ACTR3C: variants seen among roughly 807,000 people sequenced by gnomAD.
The protein encoded by ACTR3C is actin-related protein 3C.
ACTR3C carries 18 observed loss-of-function variants against 26.3 expected under a neutral mutation model. The ratio of observed to expected loss-of-function variants is 0.68; its 90% CI spans 0.47 to 1.01. ACTR3C has a LOEUF of 1.01. ACTR3C is among the 50% of genes least tolerant of loss of function. ACTR3C has a pLI of 0.00. For missense variants in ACTR3C, 184 were observed against 250.7 expected (o/e 0.73, Z 1.80); for synonymous variants, 55 against 94.5 (o/e 0.58, Z 2.42).
intron 1 of ACTR3C, among the ~76,000 whole-genome samples, chr7:150,316,483 A>ATTTTTT (rs35767189): frequency 3.7e-5 from 3 of 80,526 alleles, no homozygotes; most frequent in Non-Finnish European, 8.2e-5. Context: ...GAATCTGGTT[A>ATTTTTT]TTTTTTTTTT....
the ACTR3C span, among the ~76,000 whole-genome samples, chr7:149,989,370 C>T: frequency 6.6e-6 from 1 of 152,032 alleles, no homozygotes; most frequent in African/African-American, 2.4e-5. Context: ...ATATAGTCAC[C>T]ATGTTGTGCA....
the ACTR3C span, among the ~76,000 whole-genome samples, chr7:150,136,044 C>T: frequency 0.034 from 5,129 of 151,958 alleles, 286 homozygotes; most frequent in African/African-American, 0.12. Context: ...GTGGCCCAAG[C>T]AGCCTACTGT....
the ACTR3C span, among the ~76,000 whole-genome samples, chr7:150,077,449 G>C: frequency 6.6e-6 from 1 of 152,166 alleles, no homozygotes; most frequent in Non-Finnish European, 1.5e-5. Flanking sequence ...ACAAGGGTAA[G>C]TCTGCACCTT....
the ACTR3C span, among the ~76,000 whole-genome samples, chr7:150,135,535 T>C: frequency 8.5e-5 from 13 of 152,136 alleles, no homozygotes; most frequent in Non-Finnish European, 2.9e-5. Flanking sequence ...CATAATATTA[T>C]CTAGACTGCA....
the ACTR3C span, among the ~76,000 whole-genome samples, chr7:150,118,283 C>T: frequency 2.8e-4 from 42 of 151,972 alleles, no homozygotes; most frequent in Non-Finnish European, 1.0e-4. Context: ...TAACAAAATC[C>T]TCTGAGCTAA....
At chr7:150,232,032 T>C in the ACTR3C span, among the ~76,000 whole-genome samples, 8 of 152,176 alleles carry the variant, frequency 5.3e-5, no homozygotes, top group Non-Finnish European at 1.0e-4. Context: ...TTTTGCATCA[T>C]TTTTAGGTGT....
chr7:149,969,247 T>A, the ACTR3C span, among the ~76,000 whole-genome samples: 1 of 140,996 alleles, frequency 7.1e-6, no homozygotes, highest in South Asian at 2.4e-4. Context: ...AAATAATGAT[T>A]CCTTCCCATC....
the ACTR3C span, among the ~76,000 whole-genome samples, chr7:150,008,009 G>C: frequency 1.3e-5 from 2 of 152,142 alleles, no homozygotes; most frequent in Non-Finnish European, 2.9e-5. Flanking sequence ...CCCCTCCCTA[G>C]CATTGGCAAT....
the ACTR3C span, among the ~76,000 whole-genome samples, chr7:150,216,305 G>A: frequency 6.6e-6 from 1 of 152,050 alleles, no homozygotes; most frequent in African/African-American, 2.4e-5. Flanking sequence ...TGTTGCATGG[G>A]GATTTTCTTA....
the ACTR3C span, among the ~76,000 whole-genome samples, chr7:150,168,607 G>A: frequency 1.7e-4 from 25 of 150,888 alleles, 3 homozygotes; most frequent in African/African-American, 6.2e-4. Context: ...CTCCATACCA[G>A]TCTGGTCCAT....
the ACTR3C span, among the ~76,000 whole-genome samples, chr7:150,082,561 C>A: frequency 2.6e-5 from 4 of 152,128 alleles, no homozygotes; most frequent in Non-Finnish European, 5.9e-5. Context: ...GTGGGGGTTG[C>A]AAATCACCCT....
chr7:149,967,201 A>AT, the ACTR3C span, among the ~76,000 whole-genome samples: 4 of 151,116 alleles, frequency 2.6e-5, no homozygotes, highest in African/African-American at 9.7e-5. Context: ...CGCCCGGCTA[A>AT]TTTTTTTGTC....
chr7:150,231,554 C>G, the ACTR3C span, among the ~76,000 whole-genome samples: 5 of 150,320 alleles, frequency 3.3e-5, no homozygotes, highest in African/African-American at 1.2e-4. Context: ...TGATGCATCT[C>G]GTATAGCCTA....
At chr7:150,128,237 G>A in the ACTR3C span, among the ~76,000 whole-genome samples, 1 of 151,106 alleles carries the variant, frequency 6.6e-6, no homozygotes, top group African/African-American at 2.5e-5. Context: ...CTGCCCCTCA[G>A]CTCCTTAGAA....
At chr7:149,929,465 A>ACTTAAACT in the ACTR3C span, among the ~76,000 whole-genome samples, 1 of 148,702 alleles carries the variant, frequency 6.7e-6, no homozygotes, top group Non-Finnish European at 1.5e-5. Flanking sequence ...ACCAATGGAT[A>ACTTAAACT]CTTAAACTAA....
At chr7:150,268,141 T>G (rs1034537653) in intron 6 of ACTR3C, among the ~76,000 whole-genome samples, 6 of 151,108 alleles carry the variant, frequency 4.0e-5, no homozygotes, top group African/African-American at 1.5e-4. Context: ...ATTTGGCCAA[T>G]GTGTACAGTC....
intron 6 of ACTR3C, among the ~76,000 whole-genome samples, chr7:150,267,715 T>C (rs1834146056): frequency 6.6e-6 from 1 of 152,232 alleles, no homozygotes; most frequent in African/African-American, 2.4e-5. Flanking sequence ...TGGTACCATC[T>C]ACAGTTTCAA....
the ACTR3C span, among the ~76,000 whole-genome samples, chr7:150,065,848 G>T: frequency 2.0e-5 from 3 of 150,356 alleles, no homozygotes; most frequent in African/African-American, 7.4e-5. Context: ...ATTTTCTGTT[G>T]GTTGATCCTT....
At chr7:150,098,372 A>G in the ACTR3C span, among the ~76,000 whole-genome samples, 2 of 151,760 alleles carry the variant, frequency 1.3e-5, no homozygotes, top group African/African-American at 4.9e-5. Flanking sequence ...TTATATAGGA[A>G]GCTACTTACT....
Sources: gnomAD v4.1 joint callset for allele counts (sites outside exome capture counted in the v4.1 genomes callset) on GRCh38, gnomAD v4.1.1 for gene constraint, MANE v1.5 for transcripts, NCBI Gene and HGNC (gene_info 2026-07-23, HGNC 2026-07-21) for gene names.